The following CAMK1D variants were observed in gnomAD, a reference collection of about 807,000 sequenced individuals.
CAMK1D encodes calcium/calmodulin dependent protein kinase ID.
In CAMK1D, 9 loss-of-function variants were observed where a neutral mutation model predicts 47.7. The observed-to-expected ratio is 0.19, with a 90% CI of 0.11 to 0.33. The LOEUF (loss-of-function observed/expected upper bound fraction) is 0.33. Ranked by LOEUF, CAMK1D falls within the 10% of genes least tolerant of loss-of-function variation. The probability of loss-of-function intolerance (pLI) is 1.00; values close to 1 mark genes in which losing one functional copy is unlikely to be tolerated. For missense variants in CAMK1D, 291 were observed against 488.7 expected (o/e 0.60, Z 3.81); for synonymous variants, 184 against 184.9 (o/e 0.99, Z 0.04).
At chr10:12,362,685 TA>T in intron 1 of CAMK1D, among the ~76,000 whole-genome samples, 1 of 152,216 alleles carries the variant, frequency 6.6e-6, no homozygotes, top group East Asian at 1.9e-4. Flanking sequence ...TTATTTTTTT[TA>T]TTTTTAGTAG....
In CAMK1D at chr10:12,421,511, C is replaced by CTTTTTTTTTTTT. The variant is rs71384322; in HGVS notation, c.92+71622_92+71633dup. On this transcript the variant is annotated intron_variant, in intron 1 of 10. Coordinates refer to ENST00000619168, the MANE Select transcript of CAMK1D (RefSeq NM_153498.4). ...CATGCTGGGCCATTTATCCAGGATT[C>CTTTTTTTTTTTT]TTTTTTTTTTTTTTTTTTTTTTTTT... Among the ~76,000 whole-genome samples, 9 of 50,750 alleles carry CTTTTTTTTTTTT rather than the reference C, an allele frequency of 1.8e-4. 2 individuals are homozygous for CTTTTTTTTTTTT. The highest frequency in any genetic ancestry group is 3.6e-4 in the Admixed American group (1 of 2,768). 33.3% of individuals were successfully genotyped at this position (50,750 alleles called of 152,430 possible).
intron 1 of CAMK1D, among the ~76,000 whole-genome samples, chr10:12,484,907 T>C (rs957944369): frequency 2.0e-5 from 3 of 152,100 alleles, no homozygotes; most frequent in East Asian, 1.9e-4. Flanking sequence ...CCTCATGGTG[T>C]GCCCCGCAGA....
At chr10:12,522,604 C>T (rs1225969369) in intron 1 of CAMK1D, among the ~76,000 whole-genome samples, 1 of 152,076 alleles carries the variant, frequency 6.6e-6, no homozygotes, top group African/African-American at 2.4e-5. Context: ...CTTCTTTCCA[C>T]ACAGACACAG....
intron 1 of CAMK1D, among the ~76,000 whole-genome samples, chr10:12,360,488 T>G (rs1837626949): frequency 6.6e-6 from 1 of 152,190 alleles, no homozygotes; most frequent in Non-Finnish European, 1.5e-5. Context: ...ATTTATGGGC[T>G]AATACTTCCT....
chr10:12,694,332 A>G (rs1287613659), intron 3 of CAMK1D, among the ~76,000 whole-genome samples: 1 of 89,086 alleles, frequency 1.1e-5, no homozygotes, highest in Non-Finnish European at 1.9e-5. Flanking sequence ...TATATAAAGT[A>G]TATATAATAT....
chr10:12,698,286 C>T (rs930293365), intron 3 of CAMK1D, among the ~76,000 whole-genome samples: 11 of 152,114 alleles, frequency 7.2e-5, no homozygotes, highest in Non-Finnish European at 1.5e-4. Context: ...TTACAGTTAC[C>T]ATGTATACTG....
chr10:12,734,566 A>G (rs1009446590), intron 3 of CAMK1D, among the ~76,000 whole-genome samples: 9 of 146,712 alleles, frequency 6.1e-5, no homozygotes, highest in Non-Finnish European at 1.0e-4. Flanking sequence ...ATATACACAT[A>G]TGTGTATATA....
At chr10:12,828,689 C>T (rs1833347780) in intron 10 of CAMK1D, 80 bp from the exon 11 acceptor site, 2 of 1,158,518 alleles carry the variant, frequency 1.7e-6, no homozygotes, top group Non-Finnish European at 2.5e-6. Flanking sequence ...TAAACCCAGC[C>T]CCTCTGACAC....
chr10:12,591,060 G>A (rs1455293174), intron 2 of CAMK1D, among the ~76,000 whole-genome samples: 1 of 152,100 alleles, frequency 6.6e-6, no homozygotes, highest in Non-Finnish European at 1.5e-5. Flanking sequence ...TCATTTCTTT[G>A]TTTTTCCTCT....
At chr10:12,358,166 A>G (rs1364700154) in intron 1 of CAMK1D, among the ~76,000 whole-genome samples, 4 of 152,146 alleles carry the variant, frequency 2.6e-5, no homozygotes, top group Non-Finnish European at 4.4e-5. Flanking sequence ...TTGAGGCTGC[A>G]GTGAGCTATG....
intron 1 of CAMK1D, among the ~76,000 whole-genome samples, chr10:12,451,530 G>A (rs376466726): frequency 1.3e-5 from 2 of 152,198 alleles, no homozygotes; most frequent in Non-Finnish European, 2.9e-5. Flanking sequence ...CTCTTTTCCT[G>A]TCTCAGCTTC....
intron 1 of CAMK1D, among the ~76,000 whole-genome samples, chr10:12,439,418 G>A (rs1008917691): frequency 5.9e-5 from 9 of 152,120 alleles, no homozygotes; most frequent in African/African-American, 2.2e-4. Flanking sequence ...TTTTCAGGGA[G>A]CATTATTGCT....
chr10:12,827,819 G>A (rs1237732411), intron 10 of CAMK1D, among the ~76,000 whole-genome samples: 1 of 151,976 alleles, frequency 6.6e-6, no homozygotes, highest in Non-Finnish European at 1.5e-5. Context: ...CTTCTGAGTA[G>A]CTGGGACAAC....
chr10:12,702,002 C>T (rs970632685), intron 3 of CAMK1D, among the ~76,000 whole-genome samples: 16 of 152,194 alleles, frequency 1.1e-4, no homozygotes, highest in African/African-American at 3.6e-4. Flanking sequence ...GTTATGAAGA[C>T]CCTGGAAGCA....
At chr10:12,487,347 A>G (rs1472900993) in intron 1 of CAMK1D, among the ~76,000 whole-genome samples, 1 of 152,176 alleles carries the variant, frequency 6.6e-6, no homozygotes, top group Non-Finnish European at 1.5e-5. Context: ...CCAGGAATAC[A>G]TGGATTATTT....
chr10:12,378,341 T>TGCTCAGG (rs933673989), intron 1 of CAMK1D, among the ~76,000 whole-genome samples: 5 of 152,172 alleles, frequency 3.3e-5, no homozygotes, highest in South Asian at 4.2e-4. Flanking sequence ...CTAACTCCTG[T>TGCTCAGG]GCTCAGGTGA....
At chr10:12,631,298 A>G (rs1160525217) in intron 2 of CAMK1D, among the ~76,000 whole-genome samples, 1 of 152,146 alleles carries the variant, frequency 6.6e-6, no homozygotes, top group Non-Finnish European at 1.5e-5. Context: ...CACTATTAGT[A>G]CAAATATATG....
intron 8 of CAMK1D, among the ~76,000 whole-genome samples, chr10:12,819,858 G>C (rs752321422): frequency 3.9e-5 from 6 of 152,174 alleles, no homozygotes; most frequent in Non-Finnish European, 8.8e-5. Context: ...GGGATGGAGT[G>C]GGGCAGGGAG....
chr10:12,430,392 C>T (rs1337614970), intron 1 of CAMK1D, among the ~76,000 whole-genome samples: 1 of 152,182 alleles, frequency 6.6e-6, no homozygotes, highest in East Asian at 1.9e-4. Flanking sequence ...CCTTTGGCCT[C>T]CTGTAGCTGT....
Sources: gnomAD v4.1 joint callset for allele counts (sites outside exome capture counted in the v4.1 genomes callset) on GRCh38, gnomAD v4.1.1 for gene constraint, MANE v1.5 for transcripts, NCBI Gene and HGNC (gene_info 2026-07-23, HGNC 2026-07-21) for gene names.